The following DCDC1 variants were observed in gnomAD, a reference collection of about 807,000 sequenced individuals.
DCDC1 encodes the protein doublecortin domain containing 1, also known as doublecortin domain-containing protein 1.
A neutral mutation model predicts 178.3 loss-of-function variants in DCDC1; 200 were observed. The ratio of observed to expected loss-of-function variants is 1.12; its 90% CI spans 1.00 to 1.26. DCDC1 has a LOEUF of 1.26. Among genes scored for constraint, DCDC1 ranks in the 50% most tolerant of loss-of-function variants. DCDC1 has a pLI of 0.00. For synonymous variants in DCDC1, 690 were observed against 604.8 expected (o/e 1.14, Z -2.07); for missense variants, 1,983 against 1,749.2 (o/e 1.13, Z -2.38).
At chr11:30,990,407 G>A (rs955319313) in intron 20 of DCDC1, among the ~76,000 whole-genome samples, 26 of 152,156 alleles carry the variant, frequency 1.7e-4, no homozygotes, top group Admixed American at 7.2e-4. Flanking sequence ...GATGCTCCTA[G>A]GAGCAGCAAA....
At chr11:31,362,003 C>T (rs887432254) in intron 1 of DCDC1, among the ~76,000 whole-genome samples, 7 of 152,304 alleles carry the variant, frequency 4.6e-5, no homozygotes, top group African/African-American at 1.4e-4. Flanking sequence ...TCTCATTCTA[C>T]ATTTGGCTAC....
At chr11:31,144,810 G>T (rs1409292824) in intron 9 of DCDC1, among the ~76,000 whole-genome samples, 1 of 151,920 alleles carries the variant, frequency 6.6e-6, no homozygotes, top group African/African-American at 2.4e-5. Context: ...CACATATTAA[G>T]CATATTAACT....
At chr11:31,311,522 T>C (rs1373980347) in intron 3 of DCDC1, among the ~76,000 whole-genome samples, 1 of 152,242 alleles carries the variant, frequency 6.6e-6, no homozygotes, top group African/African-American at 2.4e-5. Flanking sequence ...GCTCTGATTC[T>C]TTTGATTATT....
At chr11:31,271,189 A>G (rs1945523181) in intron 7 of DCDC1, among the ~76,000 whole-genome samples, 1 of 152,192 alleles carries the variant, frequency 6.6e-6, no homozygotes, top group South Asian at 2.1e-4. Flanking sequence ...TATCAAAGCT[A>G]CAAGCCTACT....
intron 9 of DCDC1, among the ~76,000 whole-genome samples, chr11:31,232,708 C>A (rs1237306573): frequency 6.6e-6 from 1 of 152,144 alleles, no homozygotes; most frequent in East Asian, 1.9e-4. Flanking sequence ...AAGGACCTTA[C>A]TGCCATTGGT....
At chr11:30,964,798 G>C (rs569845917) in intron 20 of DCDC1, among the ~76,000 whole-genome samples, 1 of 152,100 alleles carries the variant, frequency 6.6e-6, no homozygotes, top group Admixed American at 6.6e-5. Flanking sequence ...CACAAGTGGG[G>C]AGGATGGAAG....
At chr11:30,990,023 T>C (rs1431078867) in intron 20 of DCDC1, among the ~76,000 whole-genome samples, 5 of 152,106 alleles carry the variant, frequency 3.3e-5, no homozygotes, top group African/African-American at 1.2e-4. Flanking sequence ...GGTGTATCTC[T>C]ACTCGAGTCA....
At chr11:31,212,997 C>T (rs986171701) in intron 9 of DCDC1, among the ~76,000 whole-genome samples, 3 of 151,836 alleles carry the variant, frequency 2.0e-5, no homozygotes, top group Admixed American at 6.6e-5. Context: ...TAGGAGGAAG[C>T]TTTCTTCCTT....
intron 9 of DCDC1, among the ~76,000 whole-genome samples, chr11:31,159,183 A>G (rs1405121785): frequency 6.6e-6 from 1 of 152,222 alleles, no homozygotes; most frequent in African/African-American, 2.4e-5. Flanking sequence ...TAAAGCAAAG[A>G]GCAACTTTTG....
At chr11:31,201,489 A>T (rs187288246) in intron 9 of DCDC1, among the ~76,000 whole-genome samples, 4 of 152,210 alleles carry the variant, frequency 2.6e-5, no homozygotes, top group Admixed American at 1.3e-4. Flanking sequence ...AGAAAATGTC[A>T]CAATATTCAC....
chr11:31,332,705 A>C (rs1950060980), intron 2 of DCDC1, among the ~76,000 whole-genome samples: 1 of 152,128 alleles, frequency 6.6e-6, no homozygotes, highest in Non-Finnish European at 1.5e-5. Flanking sequence ...GAGTTTCTTA[A>C]TCTTGAGTTT....
chr11:31,294,846 GAAAGAAAGAAAGAAA>G (rs1448963360), intron 6 of DCDC1, among the ~76,000 whole-genome samples: 33 of 131,560 alleles, frequency 2.5e-4, no homozygotes, highest in African/African-American at 8.7e-4. Flanking sequence ...AAGAAAGAAA[GAAAGAAAGAAAGAAA>G]GAAAGAAAAA....
chr11:30,925,701 A>G (rs163883), intron 22 of DCDC1, among the ~76,000 whole-genome samples: 111,336 of 152,106 alleles, frequency 0.73, 41,845 homozygotes, highest in African/African-American at 0.89. Context: ...AGTCCCAGAC[A>G]TGACCAATAA....
intron 20 of DCDC1, among the ~76,000 whole-genome samples, chr11:30,972,086 T>C (rs291146): frequency 0.6 from 90,875 of 152,026 alleles, 27,890 homozygotes; most frequent in African/African-American, 0.71. Context: ...CTGAAACCTT[T>C]CCAAGTCCAG....
intron 22 of DCDC1, among the ~76,000 whole-genome samples, chr11:30,926,367 T>TA (rs1258229088): frequency 6.6e-6 from 1 of 152,166 alleles, no homozygotes; most frequent in Non-Finnish European, 1.5e-5. Context: ...TTCTAGCCCA[T>TA]AAGCAGCAGA....
At chr11:30,921,943 G>A (rs1339656331) in intron 24 of DCDC1, among the ~76,000 whole-genome samples, 1 of 152,078 alleles carries the variant, frequency 6.6e-6, no homozygotes, top group African/African-American at 2.4e-5. Context: ...CAGAGGTGAT[G>A]AGATGACCAC....
intron 1 of DCDC1, among the ~76,000 whole-genome samples, chr11:31,354,016 G>A (rs561958245): frequency 7.2e-5 from 11 of 152,282 alleles, no homozygotes; most frequent in Non-Finnish European, 8.8e-5. Context: ...GGCCAGGCGC[G>A]GTGGCTCACG....
intron 20 of DCDC1, among the ~76,000 whole-genome samples, chr11:30,994,494 G>A (rs990256989): frequency 3.3e-5 from 5 of 150,008 alleles, no homozygotes; most frequent in Admixed American, 2.0e-4. Flanking sequence ...GTTTCACCAT[G>A]TTGCCCAGGC....
intron 3 of DCDC1, among the ~76,000 whole-genome samples, 159 bp downstream of exon 3, chr11:31,327,957 TA>T (rs1277699047): frequency 2.0e-5 from 3 of 152,046 alleles, no homozygotes; most frequent in Non-Finnish European, 2.9e-5. Context: ...CTCGAACTTC[TA>T]ACCTCAAGTG....
Sources: allele counts gnomAD v4.1 joint callset (sites outside exome capture counted in the v4.1 genomes callset), GRCh38; gene constraint gnomAD v4.1.1; transcripts MANE v1.5; gene names NCBI Gene and HGNC (gene_info 2026-07-23, HGNC 2026-07-21).